The following CYREN variants were observed in gnomAD, a reference collection of about 807,000 sequenced individuals.
CYREN encodes the protein cell cycle regulator of NHEJ.
A neutral mutation model predicts 9.7 loss-of-function variants in CYREN; 7 were observed. The observed-to-expected ratio is 0.72, with a 90% confidence interval of 0.41 to 1.36. CYREN has a LOEUF of 1.36. Ranked by LOEUF, CYREN falls within the 40% of genes most tolerant of loss-of-function variation. The pLI is 0.01. For missense variants in CYREN, 215 were observed against 198.1 expected (o/e 1.09, Z -0.51); for synonymous variants, 76 against 77.9 (o/e 0.98, Z 0.13).
chr7:135,125,400 A>G (rs892559508), intron 2 of CYREN, among the ~76,000 whole-genome samples: 3 of 152,322 alleles, frequency 2.0e-5, no homozygotes, highest in East Asian at 1.9e-4. Context: ...GCAATAATTA[A>G]TAGCCTACCA....
chr7:135,164,737 A>C (rs1562928101), downstream of CYREN: 3 of 1,614,046 alleles, frequency 1.9e-6, no homozygotes, highest in Admixed American at 1.7e-5. Context: ...TTTGCCCCCC[A>C]GCCTCTCCTC....
At chr7:135,120,415 CAT>C (rs1826980592) in intron 2 of CYREN, among the ~76,000 whole-genome samples, 1 of 152,040 alleles carries the variant, frequency 6.6e-6, no homozygotes, top group Non-Finnish European at 1.5e-5. Context: ...ATAAGTTATG[CAT>C]ATGTAGTATA....
intron 2 of CYREN, among the ~76,000 whole-genome samples, chr7:135,136,872 T>A (rs907466323): frequency 6.6e-6 from 1 of 152,124 alleles, no homozygotes; most frequent in Non-Finnish European, 1.5e-5. Flanking sequence ...TAAACAATTT[T>A]ACCTTGGTCC....
intron 2 of CYREN, among the ~76,000 whole-genome samples, chr7:135,110,399 T>C (rs553791012): frequency 1.3e-5 from 2 of 152,212 alleles, no homozygotes; most frequent in Non-Finnish European, 2.9e-5. Flanking sequence ...CTAAAGCTCC[T>C]GGGGCTCTGT....
At chr7:135,148,061 T>C (rs1388699232) in intron 2 of CYREN, 6 of 456,070 alleles carry the variant, frequency 1.3e-5, no homozygotes, top group Non-Finnish European at 2.6e-5. Flanking sequence ...AGAACAAATG[T>C]ACCAAAGTTC....
chr7:135,131,929 A>G (rs1281357533), intron 2 of CYREN, among the ~76,000 whole-genome samples: 2 of 152,300 alleles, frequency 1.3e-5, no homozygotes, highest in East Asian at 3.9e-4. Flanking sequence ...CAACTTACAG[A>G]AAATGGATTA....
chr7:135,133,194 C>T (rs574571761), intron 2 of CYREN, among the ~76,000 whole-genome samples: 1 of 152,128 alleles, frequency 6.6e-6, no homozygotes, highest in East Asian at 1.9e-4. Context: ...AACATGTGAA[C>T]ACCAAAATTA....
chr7:135,094,657 T>C (rs1822381885), intron 2 of CYREN: 6 of 386,274 alleles, frequency 1.6e-5, no homozygotes, highest in Non-Finnish European at 3.0e-5. Context: ...CCTACTCTCT[T>C]AGGGTGTTAA....
intron 2 of CYREN, among the ~76,000 whole-genome samples, chr7:135,128,133 A>G (rs1828152635): frequency 6.6e-6 from 1 of 151,822 alleles, no homozygotes; most frequent in Non-Finnish European, 1.5e-5. Flanking sequence ...CTCTACTAAA[A>G]ATACAAAAAT....
intron 2 of CYREN, chr7:135,148,164 G>T (rs947277148): frequency 1.4e-5 from 6 of 437,646 alleles, no homozygotes; most frequent in African/African-American, 1.2e-4. Flanking sequence ...CCTCCTTTCT[G>T]GAGTCTGACA....
At chr7:135,110,913 A>G (rs1343665658) in intron 2 of CYREN, among the ~76,000 whole-genome samples, 1 of 152,192 alleles carries the variant, frequency 6.6e-6, no homozygotes, top group Non-Finnish European at 1.5e-5. Flanking sequence ...TAGATTACAG[A>G]GCCCTGCTGG....
At chr7:135,165,365 G>C, downstream of CYREN, 1 of 202,302 alleles carries the variant, frequency 4.9e-6, no homozygotes, top group Non-Finnish European at 1.1e-5. Context: ...AGGCTGATTT[G>C]CCAAATGCCA....
chr7:135,133,135 A>C (rs1414019965), intron 2 of CYREN, among the ~76,000 whole-genome samples: 1 of 152,186 alleles, frequency 6.6e-6, no homozygotes, highest in East Asian at 1.9e-4. Context: ...AGGCCTCAGA[A>C]TACAAGATAA....
At chr7:135,127,696 G>A (rs890653580) in intron 2 of CYREN, among the ~76,000 whole-genome samples, 2 of 152,176 alleles carry the variant, frequency 1.3e-5, no homozygotes, top group Non-Finnish European at 1.5e-5. Context: ...GTAGGCTGCA[G>A]AGAAATAAGA....
chr7:135,160,893 G>A (rs77622665), downstream of CYREN, among the ~76,000 whole-genome samples: 112 of 152,314 alleles, frequency 7.4e-4, 3 homozygotes, highest in South Asian at 0.011. Flanking sequence ...CTTGCTGCAT[G>A]GATCAGATTT....
intron 2 of CYREN, among the ~76,000 whole-genome samples, chr7:135,147,326 A>G (rs1217802529): frequency 6.6e-6 from 1 of 152,168 alleles, no homozygotes; most frequent in Non-Finnish European, 1.5e-5. Context: ...AGGGCAATGT[A>G]GCAGTTCAAA....
chr7:135,143,525 T>TAAC (rs1371933237), intron 2 of CYREN, among the ~76,000 whole-genome samples: 2 of 152,098 alleles, frequency 1.3e-5, no homozygotes, highest in Non-Finnish European at 2.9e-5. Context: ...ATCTGGAAGA[T>TAAC]AACACAGGAA....
At position 135,168,782 on chromosome 7, in the gene CYREN, G is replaced by A. The variant is rs1336622799; in HGVS notation, c.137+4C>T. ...CAGGAGTCTTCTGACCAGAGCTGTC[G>A]CACCTTGCTGCTGCCACTGGCACTG... On this transcript the variant is annotated splice_donor_region_variant and intron_variant, in intron 2 of 3. Coordinates refer to ENST00000393114, the MANE Select transcript of CYREN (RefSeq NM_024033.4). 1.1e-5 allele frequency: 17 copies of A among 1,613,534 alleles called. No homozygotes were observed. The highest frequency in any genetic ancestry group is 2.2e-5 in the East Asian group (1 of 44,834).
At chr7:135,163,458 C>T (rs1003928792), downstream of CYREN, among the ~76,000 whole-genome samples, 5 of 151,796 alleles carry the variant, frequency 3.3e-5, no homozygotes, top group Non-Finnish European at 4.4e-5. Context: ...CCAGCCTGGC[C>T]AACATGGTGA....
Sources: allele counts gnomAD v4.1 joint callset (sites outside exome capture counted in the v4.1 genomes callset), GRCh38; gene constraint gnomAD v4.1.1; transcripts MANE v1.5; gene names NCBI Gene and HGNC (gene_info 2026-07-23, HGNC 2026-07-21).